Variants in MND1 observed in about 807,000 individuals in gnomAD.
The protein encoded by MND1 is meiotic nuclear division protein 1 homolog.
A neutral mutation model predicts 35.1 loss-of-function variants in MND1; 28 were observed. The observed-to-expected ratio is 0.80, with a 90% CI of 0.59 to 1.09. The LOEUF is 1.09. MND1 is among the 50% of genes least tolerant of loss of function. MND1 has a pLI of 0.00. For missense variants in MND1, 213 were observed against 239.6 expected (o/e 0.89, Z 0.73); for synonymous variants, 69 against 70.5 (o/e 0.98, Z 0.11).
At chr4:153,372,009 G>A (rs182583399) in intron 4 of MND1, among the ~76,000 whole-genome samples, 80 of 152,146 alleles carry the variant, frequency 5.3e-4, no homozygotes, top group African/African-American at 1.8e-3. Flanking sequence ...GGCCAAGGGA[G>A]GGTGAGAGAT....
At chr4:153,359,720 A>G in intron 4 of MND1, among the ~76,000 whole-genome samples, 1 of 143,274 alleles carries the variant, frequency 7.0e-6, no homozygotes, top group Admixed American at 6.9e-5. Context: ...ATAGATGTGT[A>G]GTGGTATCTC....
chr4:153,352,444 C>G (rs1379998094), intron 2 of MND1, among the ~76,000 whole-genome samples: 1 of 152,134 alleles, frequency 6.6e-6, no homozygotes, highest in Non-Finnish European at 1.5e-5. Flanking sequence ...GACCTTTAAG[C>G]AAGTTACTTG....
intron 5 of MND1, among the ~76,000 whole-genome samples, chr4:153,395,615 C>T (rs759678172): frequency 1.1e-4 from 16 of 152,182 alleles, no homozygotes; most frequent in Non-Finnish European, 1.9e-4. Context: ...GTGTATTCTC[C>T]TTACTCTGAG....
rs373567739 is a variant in MND1, at chr4:153,387,671, C to T, written c.277-6591C>T. Among the ~76,000 whole-genome samples, 85 of 151,994 alleles carry T rather than the reference C, an allele frequency of 5.6e-4. No individual in the cohort carries two copies. The South Asian group carries it at 0.017, about 31-fold the overall frequency. On this transcript the variant is annotated intron_variant, in intron 4 of 7. Coordinates refer to ENST00000240488, the MANE Select transcript of MND1 (RefSeq NM_032117.4). ...GTCGTAGCTACTCAGGAGGCTGAGG[C>T]GGGAAGATTGCTTGAGCCTGGGAGA...
At chr4:153,348,077 G>C (rs1773116462) in intron 1 of MND1, among the ~76,000 whole-genome samples, 1 of 152,136 alleles carries the variant, frequency 6.6e-6, no homozygotes, top group African/African-American at 2.4e-5. Context: ...TGTGGTTAGG[G>C]GACTGGAGGT....
chr4:153,356,876 C>A (rs532044206), intron 3 of MND1, among the ~76,000 whole-genome samples: 2 of 152,052 alleles, frequency 1.3e-5, no homozygotes, highest in African/African-American at 4.8e-5. Flanking sequence ...AGGCTGGAGC[C>A]CAGTGGTGCA....
chr4:153,395,977 A>G (rs1729188082), intron 5 of MND1, among the ~76,000 whole-genome samples: 1 of 152,122 alleles, frequency 6.6e-6, no homozygotes, highest in South Asian at 2.1e-4. Context: ...CCCCTGCCTC[A>G]ACCTCCTGAG....
At position 153,403,349 on chromosome 4, in the gene MND1, C is replaced by T. The variant is rs138214755; in HGVS notation, c.467-5622C>T. Among the ~76,000 whole-genome samples the T allele has an allele frequency of 4.7e-3, 712 of 152,246 alleles. 4 individuals carry two copies. Among genetic ancestry groups the T allele is most frequent in the Non-Finnish European group, 6.0e-3 (408 of 68,028 alleles). ...AAACTGCCTTGCTGAGAACGCATGT[C>T]GCAGCACATGCAAACCCTCTTAGCA... On this transcript the variant is annotated intron_variant, in intron 6 of 7. Coordinates refer to ENST00000240488, the MANE Select transcript of MND1 (RefSeq NM_032117.4).
chr4:153,390,925 GTGTGTGTGTGTGTGTGTA>G (rs1729012491), intron 4 of MND1, among the ~76,000 whole-genome samples: 1 of 141,162 alleles, frequency 7.1e-6, no homozygotes, highest in Admixed American at 7.1e-5. Flanking sequence ...GTATATGTGT[GTGTGTGTGTGTGTGTGTA>G]TATAAAATGT....
rs76435829 is a variant in MND1, at chr4:153,352,300, C to T, written c.69+2171C>T. On this transcript the variant is annotated intron_variant, in intron 2 of 7. Transcript: ENST00000240488. ...TCATGTATGGATGGATATATATGTG[C>T]GTGTGTGTGTGTGGGTTTTGGAGCT... Among the ~76,000 whole-genome samples, 1,062 of 151,532 alleles carry T rather than the reference C, an allele frequency of 7.0e-3. 12 individuals carry two copies. The highest frequency in any genetic ancestry group is 9.3e-3 in the Non-Finnish European group (631 of 67,802).
chr4:153,365,076 C>T (rs896552632), intron 4 of MND1, among the ~76,000 whole-genome samples: 5 of 148,396 alleles, frequency 3.4e-5, no homozygotes, highest in Non-Finnish European at 7.4e-5. Flanking sequence ...CTGTCCCTGA[C>T]TGAAGAACCA....
At chr4:153,378,366 A>G (rs1374007258) in intron 4 of MND1, among the ~76,000 whole-genome samples, 1 of 152,146 alleles carries the variant, frequency 6.6e-6, no homozygotes, top group Non-Finnish European at 1.5e-5. Context: ...TACCTGAATT[A>G]TATTTTGCTG....
At chr4:153,351,479 T>C (rs944164133) in intron 2 of MND1, among the ~76,000 whole-genome samples, 1 of 152,238 alleles carries the variant, frequency 6.6e-6, no homozygotes, top group Non-Finnish European at 1.5e-5. Flanking sequence ...TTTGACGGAA[T>C]TGAAAAGTAT....
chr4:153,409,049 TA>T, intron 7 of MND1, 34 bp downstream of exon 7: 1 of 1,259,738 alleles, frequency 7.9e-7, no homozygotes, highest in South Asian at 2.3e-5. Context: ...AAACTATAGC[TA>T]AATTCCCTTC....
At chr4:153,374,991 T>G (rs148338501) in intron 4 of MND1, among the ~76,000 whole-genome samples, 15 of 152,276 alleles carry the variant, frequency 9.9e-5, no homozygotes, top group African/African-American at 3.4e-4. Context: ...AATTTACACT[T>G]TAATTGGTAA....
intron 2 of MND1, 86 bp from the exon 3 acceptor site, chr4:153,355,568 C>G: frequency 1.3e-6 from 1 of 747,480 alleles, no homozygotes; most frequent in Non-Finnish European, 2.3e-6. Flanking sequence ...CTATTATGTA[C>G]CCATAATAAA....
rs187043348 is a variant in MND1, at chr4:153,412,006, T to G, written c.512-2745T>G. Among the ~76,000 whole-genome samples, 13 of 152,356 alleles carry G rather than the reference T, an allele frequency of 8.5e-5. No homozygotes were observed. In the East Asian group the frequency reaches 2.3e-3, roughly 27 times the overall value. On this transcript the variant is annotated intron_variant, in intron 7 of 7. Coordinates refer to ENST00000240488, the MANE Select transcript of MND1 (RefSeq NM_032117.4). ...AAGAATGTACTGGTTGGGCAGAGAC[T>G]GGTAAAAATTATCCTAGAATATCTT...
In MND1 at chr4:153,391,727, T is replaced by TAC. The variant is rs71598272; in HGVS notation, c.277-2513_277-2512dup. Among the ~76,000 whole-genome samples the TAC allele has an allele frequency of 6.8e-3, 975 of 142,354 alleles. 8 individuals carry two copies. Among genetic ancestry groups the TAC allele is most frequent in the East Asian group, 0.013 (63 of 4,826 alleles). The allele number at this position is 142,354 out of a possible 152,430, so 93.4% of individuals were successfully genotyped here. On this transcript the variant is annotated intron_variant, in intron 4 of 7. Transcript: ENST00000240488. Reference sequence around the variant, plus strand: ...GGGCAAGAAGAGTGAAACTCCATCATACACACACACACACACACACACATA... The same window carrying TAC: ...GGGCAAGAAGAGTGAAACTCCATCATACACACACACACACACACACACACATA...
chr4:153,358,392 G>A, intron 3 of MND1, 82 bp from the exon 4 acceptor site: 1 of 1,176,670 alleles, frequency 8.5e-7, no homozygotes. Context: ...GATATGTTTT[G>A]CAAGTGTTTC....
Sources: allele counts gnomAD v4.1 joint callset (sites outside exome capture counted in the v4.1 genomes callset), GRCh38; gene constraint gnomAD v4.1.1; transcripts MANE v1.5; gene names NCBI Gene and HGNC (gene_info 2026-07-23, HGNC 2026-07-21).